NUCKS1: variants seen among roughly 807,000 people sequenced by gnomAD.
The protein encoded by NUCKS1 is nuclear casein kinase and cyclin dependent kinase substrate 1.
In NUCKS1, 2 loss-of-function variants were observed where a neutral mutation model predicts 33.0. That is an observed-to-expected ratio of 0.06 (90% CI 0.02 to 0.19). NUCKS1 has a LOEUF of 0.19. NUCKS1 is among the 10% of genes least tolerant of loss of function. NUCKS1 has a pLI of 1.00. For synonymous variants in NUCKS1, 106 were observed against 102.8 expected (o/e 1.03, Z -0.19); for missense variants, 201 against 293.6 (o/e 0.68, Z 2.31).
chr1:205,744,346 A>G (rs1348879696), intron 1 of NUCKS1, among the ~76,000 whole-genome samples: 2 of 152,210 alleles, frequency 1.3e-5, no homozygotes, highest in Non-Finnish European at 2.9e-5. Flanking sequence ...AATGAGGATA[A>G]CATATGCCTT....
In NUCKS1 at chr1:205,717,250, T is replaced by C; in HGVS notation, c.*1030A>G. On this transcript the variant is annotated 3_prime_UTR_variant, in exon 7 of 7. Coordinates refer to ENST00000367142, the MANE Select transcript of NUCKS1 (RefSeq NM_022731.5). ...CATTTATAGCATAAAAGAATGTCAA[T>C]TCTATTTCATAAAGGAAAAATCTCA... 1.1e-6 allele frequency: 1 copy of C among 925,334 alleles called. No homozygotes were observed. The highest frequency in any genetic ancestry group is 5.0e-5 in the South Asian group (1 of 20,120). The allele number at this position is 925,334 out of a possible 1,614,324, so 57.3% of individuals were successfully genotyped here.
chr1:205,746,445 TCTCTCTCTCACACACACACACACA>T (rs1238968259), intron 1 of NUCKS1, among the ~76,000 whole-genome samples: 1 of 84,870 alleles, frequency 1.2e-5, no homozygotes, highest in African/African-American at 3.8e-5. Context: ...CTTCTCTCTC[TCTCTCTCTCACACACACACACACA>T]CACACACACA....
intron 1 of NUCKS1, among the ~76,000 whole-genome samples, chr1:205,732,778 T>TAAAAAAAAAAA (rs1653945719): frequency 7.0e-5 from 1 of 14,228 alleles, no homozygotes; most frequent in African/African-American, 1.7e-4. Context: ...AGACTCTGTC[T>TAAAAAAAAAAA]CAAAAAAAAA....
rs1328631558 is a variant in NUCKS1, at chr1:205,741,069, C to G, written c.17+8888G>C. Among the ~76,000 whole-genome samples the G allele has an allele frequency of 2.6e-5, 4 of 151,320 alleles. No individual in the cohort carries two copies. The East Asian group carries it at 7.8e-4, about 29-fold the overall frequency. ...GTAATCCCGCCTCAGGAGGCCGAGG[C>G]GGGCGGATCACTTGAGGTCAGGAGA... On this transcript the variant is annotated intron_variant, in intron 1 of 6. Transcript: ENST00000367142.
intron 1 of NUCKS1, among the ~76,000 whole-genome samples, chr1:205,743,403 T>C (rs1654230771): frequency 6.6e-6 from 1 of 152,218 alleles, no homozygotes; most frequent in African/African-American, 2.4e-5. Flanking sequence ...GCTTCTTTTG[T>C]TGTGCCAGGA....
At chr1:205,736,428 A>G (rs1654036654) in intron 1 of NUCKS1, among the ~76,000 whole-genome samples, 2 of 152,166 alleles carry the variant, frequency 1.3e-5, no homozygotes, top group Admixed American at 1.3e-4. Context: ...ACTGGACCCT[A>G]GACAATCTAA....
intron 3 of NUCKS1, among the ~76,000 whole-genome samples, chr1:205,727,240 C>T (rs760156783): frequency 6.6e-6 from 1 of 152,174 alleles, no homozygotes; most frequent in Admixed American, 6.5e-5. Flanking sequence ...CCTGGGATTA[C>T]AAGCATGAGC....
In NUCKS1 at chr1:205,750,020, C is replaced by A. The variant is rs768169857; in HGVS notation, c.-47G>T. ...GAGTCGAGAAGCCAAAGACCAGGACCCCCCCCACCCCGCGCGCTCGGCGCC... is the reference window on the plus strand; with the variant it reads ...GAGTCGAGAAGCCAAAGACCAGGACACCCCCCACCCCGCGCGCTCGGCGCC... On this transcript the variant is annotated 5_prime_UTR_variant, in exon 1 of 7. Coordinates refer to ENST00000367142, the MANE Select transcript of NUCKS1 (RefSeq NM_022731.5). The A allele has an allele frequency of 6.7e-6, 7 of 1,043,038 alleles. No individual in the cohort carries two copies. Among genetic ancestry groups the A allele is most frequent in the Non-Finnish European group, 8.1e-6 (6 of 742,020 alleles). The allele number at this position is 1,043,038 out of a possible 1,614,324, so 64.6% of individuals were successfully genotyped here.
chr1:205,717,686 T>C lies in NUCKS1; in HGVS notation c.*594A>G, dbSNP rs1287013440. On this transcript the variant is annotated 3_prime_UTR_variant, in exon 7 of 7. Transcript: ENST00000367142. ...ACTTTTAGTAACAGTTCAGAATTCA[T>C]CTTTATCTCCTACCTGCCTCATCGG... 4.1e-6 allele frequency: 4 copies of C among 985,220 alleles called. No homozygotes were observed. The Admixed American group carries it at 2.5e-4, about 61-fold the overall frequency. The allele number at this position is 985,220 out of a possible 1,614,324, so 61.0% of individuals were successfully genotyped here.
rs1654421274 is a variant in NUCKS1 at position 205,749,462 on chromosome 1, C to T, written c.17+495G>A. Among the ~76,000 whole-genome samples, 3 of 152,162 alleles carry T rather than the reference C, an allele frequency of 2.0e-5. No individual in the cohort carries two copies. In the South Asian group the frequency reaches 6.2e-4, roughly 31 times the overall value. ...CCCCCTTTGCCAGGAACACCCCCGTCCGCTACAGAGAGGGCTCAGGGCCCC... is the reference window on the plus strand; with the variant it reads ...CCCCCTTTGCCAGGAACACCCCCGTTCGCTACAGAGAGGGCTCAGGGCCCC... On this transcript the variant is annotated intron_variant, in intron 1 of 6. Transcript: ENST00000367142.
Position 205,718,174 on chromosome 1 carries a change from G to A in NUCKS1, c.*106C>T. ...CTGAAAGCCCATGAGTCAAGCCATA[G>A]CCAAAACCATGTTCTATCTTAAGTA... On this transcript the variant is annotated 3_prime_UTR_variant, in exon 7 of 7. Coordinates refer to ENST00000367142, the MANE Select transcript of NUCKS1 (RefSeq NM_022731.5). The A allele has an allele frequency of 7.1e-7, 1 of 1,411,106 alleles. No individual in the cohort carries two copies. 87.4% of individuals were successfully genotyped at this position (1,411,106 alleles called of 1,614,324 possible).
rs1355442124 is a variant in NUCKS1 at position 205,750,071 on chromosome 1, G to A, written c.-98C>T. ...CCACCCCCCCCGAACTTCAGCCGAT[G>A]GGACCGCTGCTGCCGAACCCCGAGC... is the stretch of plus-strand genomic sequence containing the variant. On this transcript the variant is annotated 5_prime_UTR_variant, in exon 1 of 7. Transcript: ENST00000367142. The A allele has an allele frequency of 7.9e-7, 1 of 1,266,926 alleles. No individual in the cohort carries two copies. Among genetic ancestry groups the A allele is most frequent in the Non-Finnish European group, 1.1e-6 (1 of 935,712 alleles). 78.5% of individuals were successfully genotyped at this position (1,266,926 alleles called of 1,614,324 possible). A position where few individuals can be genotyped will look rare whatever the true frequency, so the allele number is the denominator to read the frequency against.
intron 3 of NUCKS1, among the ~76,000 whole-genome samples, chr1:205,724,407 C>T (rs183330060): frequency 6.6e-6 from 1 of 152,224 alleles, no homozygotes; most frequent in Admixed American, 6.5e-5. Context: ...TTAAAAGGAA[C>T]TGTAGTCCGG....
chr1:205,735,512 T>C (rs1030168069), intron 1 of NUCKS1, among the ~76,000 whole-genome samples: 1 of 152,212 alleles, frequency 6.6e-6, no homozygotes, highest in African/African-American at 2.4e-5. Flanking sequence ...TATCAATAAC[T>C]AGAACTGGAG....
intron 1 of NUCKS1, among the ~76,000 whole-genome samples, chr1:205,742,558 C>T (rs1408022223): frequency 6.6e-6 from 1 of 152,220 alleles, no homozygotes; most frequent in Non-Finnish European, 1.5e-5. Flanking sequence ...GACGCTGTGG[C>T]TCACGCCTGT....
At chr1:205,749,873 A>G in intron 1 of NUCKS1, 84 bp downstream of exon 1, 1 of 1,380,102 alleles carries the variant, frequency 7.2e-7, no homozygotes, top group Non-Finnish European at 1.0e-6. Context: ...GGGATGGCGG[A>G]CTCTAGCCTT....
chr1:205,722,200 C>T lies in NUCKS1; in HGVS notation c.230-1547G>A, dbSNP rs6680138. Among the ~76,000 whole-genome samples, 1,132 of 152,154 alleles carry T rather than the reference C, an allele frequency of 7.4e-3. 11 individuals carry two copies. Among genetic ancestry groups the T allele is most frequent in the African/African-American group, 0.026 (1,081 of 41,500 alleles). On this transcript the variant is annotated intron_variant, in intron 4 of 6. Transcript: ENST00000367142. ...AAGCTATTCTCCTGTCTCATCCTCCCGAGTAGCTAGGACTCCAGGCACATG... is the reference window on the plus strand; with the variant it reads ...AAGCTATTCTCCTGTCTCATCCTCCTGAGTAGCTAGGACTCCAGGCACATG...
At chr1:205,742,818 CG>C (rs1220172460) in intron 1 of NUCKS1, among the ~76,000 whole-genome samples, 1 of 151,792 alleles carries the variant, frequency 6.6e-6, no homozygotes, top group Non-Finnish European at 1.5e-5. Flanking sequence ...GAGCGAGACT[CG>C]GTCTCAAAGA....
At chr1:205,745,063 T>C (rs1188179736) in intron 1 of NUCKS1, among the ~76,000 whole-genome samples, 1 of 152,220 alleles carries the variant, frequency 6.6e-6, no homozygotes, top group East Asian at 1.9e-4. Context: ...AAACCACATA[T>C]GGCCCCAATG....
Sources: allele counts gnomAD v4.1 joint callset (sites outside exome capture counted in the v4.1 genomes callset), GRCh38; gene constraint gnomAD v4.1.1; transcripts MANE v1.5; gene names NCBI Gene and HGNC (gene_info 2026-07-23, HGNC 2026-07-21).